Variants in CSRNP3 observed in about 807,000 individuals in gnomAD.
CSRNP3 encodes the protein cysteine and serine rich nuclear protein 3, also known as cysteine/serine-rich nuclear protein 3.
A neutral mutation model predicts 48.0 loss-of-function variants in CSRNP3; 12 were observed. The observed-to-expected ratio is 0.25, with a 90% CI of 0.16 to 0.41. CSRNP3 has a LOEUF of 0.41. Ranked by LOEUF, CSRNP3 falls within the 10% of genes least tolerant of loss-of-function variation. The pLI, the probability that CSRNP3 is intolerant of heterozygous loss-of-function variation, is 1.00. For missense variants in CSRNP3, 580 were observed against 724.4 expected (o/e 0.80, Z 2.29); for synonymous variants, 263 against 269.7 (o/e 0.98, Z 0.24).
intron 1 of CSRNP3, among the ~76,000 whole-genome samples, chr2:165,486,150 A>G (rs963833605): frequency 7.2e-5 from 11 of 151,954 alleles, no homozygotes; most frequent in Non-Finnish European, 1.6e-4. Context: ...AAGGGGTCAG[A>G]GAGTTCCCTT....
intron 2 of CSRNP3, among the ~76,000 whole-genome samples, chr2:165,513,725 T>C: frequency 6.6e-6 from 1 of 152,196 alleles, no homozygotes; most frequent in Middle Eastern, 3.2e-3. Flanking sequence ...GAAGATACCC[T>C]TTTAGAGAAA....
At chr2:165,550,942 G>A (rs748352147) in intron 3 of CSRNP3, among the ~76,000 whole-genome samples, 1 of 151,816 alleles carries the variant, frequency 6.6e-6, no homozygotes, top group Non-Finnish European at 1.5e-5. Context: ...CACATAACCT[G>A]CCCTTCTCCA....
chr2:165,593,271 T>C (rs555323887), intron 3 of CSRNP3, among the ~76,000 whole-genome samples: 13 of 152,300 alleles, frequency 8.5e-5, no homozygotes, highest in African/African-American at 3.1e-4. Flanking sequence ...AGGGCTGGTA[T>C]GTGACCACAT....
intron 2 of CSRNP3, among the ~76,000 whole-genome samples, chr2:165,502,688 T>C (rs1403419967): frequency 1.3e-5 from 2 of 151,850 alleles, no homozygotes; most frequent in Non-Finnish European, 2.9e-5. Flanking sequence ...TTTCTCTCTG[T>C]CTGTCTTCTG....
At chr2:165,604,551 C>G (rs1685977554) in intron 4 of CSRNP3, among the ~76,000 whole-genome samples, 1 of 152,182 alleles carries the variant, frequency 6.6e-6, no homozygotes, top group Admixed American at 6.5e-5. Context: ...TATCTGAATA[C>G]ATGTAATGAT....
chr2:165,645,759 T>A (rs1686800628), intron 4 of CSRNP3, among the ~76,000 whole-genome samples: 1 of 152,220 alleles, frequency 6.6e-6, no homozygotes, highest in South Asian at 2.1e-4. Flanking sequence ...GTTTATTTAT[T>A]TTTGAGACAG....
chr2:165,562,352 T>A (rs2105267826), intron 3 of CSRNP3, among the ~76,000 whole-genome samples: 1 of 152,192 alleles, frequency 6.6e-6, no homozygotes, highest in East Asian at 1.9e-4. Context: ...GCCCAAGAAG[T>A]TTTATCAGTA....
intron 3 of CSRNP3, among the ~76,000 whole-genome samples, chr2:165,585,054 GA>G (rs969589625): frequency 2.0e-5 from 3 of 152,122 alleles, no homozygotes; most frequent in African/African-American, 7.2e-5. Context: ...ATAGTATAAG[GA>G]CAGAACATTA....
chr2:165,561,478 CTGTT>C (rs1685232577), intron 3 of CSRNP3, among the ~76,000 whole-genome samples: 1 of 151,982 alleles, frequency 6.6e-6, no homozygotes, highest in African/African-American at 2.4e-5. Context: ...AATGATTCTT[CTGTT>C]TGTTCTGGTT....
intron 6 of CSRNP3, among the ~76,000 whole-genome samples, chr2:165,677,813 A>G (rs1237119974): frequency 6.6e-6 from 1 of 152,152 alleles, no homozygotes; most frequent in Admixed American, 6.5e-5. Context: ...TCTCATGAAT[A>G]CCCTTGGATT....
chr2:165,679,980 G>C lies in CSRNP3; in HGVS notation c.*227G>C, dbSNP rs1013981608. On this transcript the variant is annotated 3_prime_UTR_variant, in exon 7 of 7. Coordinates refer to ENST00000651982, the MANE Select transcript of CSRNP3 (RefSeq NM_001172173.2). ...ATTTCAGACTGTTTTGATAGAAAAA[G>C]CTAAATTTTAAAATGCATATCTCAC... The C allele has an allele frequency of 1.7e-6, 1 of 588,100 alleles. No homozygotes were observed. Among genetic ancestry groups the C allele is most frequent in the Non-Finnish European group, 2.8e-6 (1 of 359,338 alleles). 36.4% of individuals were successfully genotyped at this position (588,100 alleles called of 1,614,324 possible).
rs766111079 is a variant in CSRNP3 at position 165,657,788 on chromosome 2, G to A, written c.176G>A (p.Arg59Gln). The A allele has an allele frequency of 2.5e-6, 4 of 1,613,716 alleles. No homozygotes were observed. Among genetic ancestry groups the A allele is most frequent in the African/African-American group, 1.3e-5 (1 of 74,872 alleles). The change falls in exon 5 of 7, where the codon CGA becomes CAA. Residue 59 changes from arginine to glutamine, a missense_variant. Transcript: ENST00000651982. ...TCCTCCATTCTCAAAAGGGAGAAAC[G>A]ACTGAGGACAAAGAATGTACATTTT... ...TPSSILKREK[R>Q]LRTKNVHFSC...
chr2:165,533,108 T>C (rs1309125653), intron 3 of CSRNP3, among the ~76,000 whole-genome samples: 2 of 152,126 alleles, frequency 1.3e-5, no homozygotes, highest in Non-Finnish European at 2.9e-5. Flanking sequence ...AGGGGTTTGA[T>C]CTCCATTTGT....
intron 4 of CSRNP3, among the ~76,000 whole-genome samples, chr2:165,645,572 A>T (rs1401219773): frequency 6.6e-6 from 1 of 152,182 alleles, no homozygotes. Flanking sequence ...ATCTATAGAA[A>T]AATCACAGTT....
chr2:165,674,870 C>A (rs936265436), intron 5 of CSRNP3, among the ~76,000 whole-genome samples: 1 of 151,420 alleles, frequency 6.6e-6, no homozygotes, highest in Non-Finnish European at 1.5e-5. Context: ...ACCACCATGC[C>A]CAGCTAATTT....
intron 2 of CSRNP3, among the ~76,000 whole-genome samples, chr2:165,497,074 T>C (rs946257926): frequency 2.0e-5 from 3 of 152,084 alleles, no homozygotes; most frequent in African/African-American, 7.2e-5. Flanking sequence ...CTGAACAGTT[T>C]CCTGGAAGGT....
At chr2:165,525,164 G>T (rs1031556547) in intron 3 of CSRNP3, among the ~76,000 whole-genome samples, 1 of 152,036 alleles carries the variant, frequency 6.6e-6, no homozygotes, top group African/African-American at 2.4e-5. Context: ...ATTCTTAATG[G>T]ATAATAACAT....
intron 4 of CSRNP3, among the ~76,000 whole-genome samples, chr2:165,642,151 A>ATAAT (rs1686734092): frequency 6.9e-6 from 1 of 145,222 alleles, no homozygotes. Context: ...CACACACGGT[A>ATAAT]TAATGTATGT....
At chr2:165,542,217 C>A (rs1456526131) in intron 3 of CSRNP3, among the ~76,000 whole-genome samples, 4 of 152,142 alleles carry the variant, frequency 2.6e-5, no homozygotes, top group African/African-American at 9.7e-5. Context: ...TGGGACTGAT[C>A]TGTGCCAGTA....
Sources: allele counts gnomAD v4.1 joint callset (sites outside exome capture counted in the v4.1 genomes callset), GRCh38; gene constraint gnomAD v4.1.1; transcripts MANE v1.5; gene names NCBI Gene and HGNC (gene_info 2026-07-23, HGNC 2026-07-21).